The following RIMS2 variants were observed in gnomAD, a reference collection of about 807,000 sequenced individuals.
RIMS2 encodes regulating synaptic membrane exocytosis 2.
Under a neutral mutation model 174.4 loss-of-function variants are expected in RIMS2, and 59 were observed. The observed-to-expected ratio is 0.34, with a 90% CI of 0.27 to 0.42. The LOEUF (loss-of-function observed/expected upper bound fraction) is 0.42, where lower values mean the gene tolerates loss of function less well. Ranked by LOEUF, RIMS2 falls within the 10% of genes least tolerant of loss-of-function variation. The probability of loss-of-function intolerance (pLI) is 1.00; values close to 1 mark genes in which losing one functional copy is unlikely to be tolerated. For synonymous variants in RIMS2, 606 were observed against 572.5 expected (o/e 1.06, Z -0.84); for missense variants, 1,620 against 1,666.3 (o/e 0.97, Z 0.48).
intron 1 of RIMS2, among the ~76,000 whole-genome samples, chr8:103,502,050 A>T (rs1227190423): frequency 6.6e-6 from 1 of 152,244 alleles, no homozygotes; most frequent in Non-Finnish European, 1.5e-5. Flanking sequence ...GAAAGAGGTT[A>T]TTCAGAAGAT....
chr8:103,983,168 C>T (rs1250451938), intron 16 of RIMS2, among the ~76,000 whole-genome samples: 1 of 152,062 alleles, frequency 6.6e-6, no homozygotes, highest in Non-Finnish European at 1.5e-5. Flanking sequence ...AAATTAAATA[C>T]CTAGAAATTG....
chr8:104,095,841 CAG>C (rs1408172925), intron 19 of RIMS2, among the ~76,000 whole-genome samples: 3 of 152,040 alleles, frequency 2.0e-5, no homozygotes, highest in Non-Finnish European at 4.4e-5. Context: ...CACAGTGAGA[CAG>C]ATATTCGGGA....
chr8:104,106,364 G>A (rs933934972), intron 19 of RIMS2, among the ~76,000 whole-genome samples: 1 of 152,014 alleles, frequency 6.6e-6, no homozygotes, highest in Admixed American at 6.6e-5. Flanking sequence ...AGAGATGCCT[G>A]CACAGATTAA....
intron 2 of RIMS2, 39 bp from the exon 6 acceptor site, chr8:103,766,188 G>C: frequency 7.0e-7 from 1 of 1,420,180 alleles, no homozygotes; most frequent in Non-Finnish European, 9.6e-7. Context: ...TTTAACTTTT[G>C]GGAACACTAA....
chr8:103,809,703 G>A (rs1014877796), intron 3 of RIMS2, among the ~76,000 whole-genome samples: 3 of 152,120 alleles, frequency 2.0e-5, no homozygotes, highest in Non-Finnish European at 4.4e-5. Flanking sequence ...TTCAGACTGA[G>A]GGCACCAACA....
At chr8:104,066,621 A>G (rs2097109999) in intron 19 of RIMS2, among the ~76,000 whole-genome samples, 1 of 152,150 alleles carries the variant, frequency 6.6e-6, no homozygotes, top group African/African-American at 2.4e-5. Context: ...TTAATAGACT[A>G]ATAGGTATTT....
In RIMS2 at chr8:103,912,149, T is replaced by A. The variant is rs370262056; in HGVS notation, c.1789T>A (p.Ser597Thr). 24 of 1,607,520 alleles carry A rather than the reference T, an allele frequency of 1.5e-5. No homozygotes were observed. Among genetic ancestry groups the A allele is most frequent in the Non-Finnish European group, 2.0e-5 (24 of 1,175,766 alleles). The change falls in exon 6 of 24, where the codon TCA becomes ACA. Residue 597 changes from serine (S) to threonine (T), a missense_variant. Ser to Thr is a moderately conservative substitution (Grantham distance 58). Around this residue, in one of 2 missense-constraint regions of RIMS2, gnomAD observed 1,395 missense variants for 1,360.1 expected, o/e 1.03. Coordinates refer to ENST00000504942, the Ensembl canonical transcript of RIMS2. Reference sequence around the variant, plus strand: ...AAAAGATGGAAGTGTACCTCGAGATTCAGGAGCAATGCTTGGCTTGAAGGT... The same window carrying A: ...AAAAGATGGAAGTGTACCTCGAGATACAGGAGCAATGCTTGGCTTGAAGGT...
intron 19 of RIMS2, among the ~76,000 whole-genome samples, chr8:104,034,461 T>C (rs1459192211): frequency 7.3e-6 from 1 of 137,258 alleles, no homozygotes; most frequent in Non-Finnish European, 1.6e-5. Flanking sequence ...ACTTGCAGTA[T>C]CTTTTTTTTT....
chr8:103,985,473 CAAAAAAAA>C (rs58750334), intron 16 of RIMS2, among the ~76,000 whole-genome samples: 4 of 36,160 alleles, frequency 1.1e-4, no homozygotes, highest in African/African-American at 4.6e-4. Flanking sequence ...GACTCTGTCT[CAAAAAAAA>C]AAAAAAAAAA....
At chr8:104,244,888 G>T in intron 19 of RIMS2, 28 bp from the exon 26 acceptor site, 2 of 1,598,334 alleles carry the variant, frequency 1.3e-6, no homozygotes, top group South Asian at 1.1e-5. Context: ...TTACAAAGCT[G>T]TTACACTTTT....
intron 3 of RIMS2, among the ~76,000 whole-genome samples, chr8:103,796,542 T>C (rs2098551086): frequency 6.6e-6 from 1 of 152,176 alleles, no homozygotes; most frequent in Non-Finnish European, 1.5e-5. Flanking sequence ...ACCACTTTTT[T>C]TCCTTTCCCC....
intron 3 of RIMS2, among the ~76,000 whole-genome samples, chr8:103,864,364 G>T (rs2099074787): frequency 6.6e-6 from 1 of 151,914 alleles, no homozygotes; most frequent in African/African-American, 2.4e-5. Context: ...AGAGGTTTTG[G>T]CATGTTGTGT....
At chr8:103,545,350 A>C (rs896088823) in intron 1 of RIMS2, among the ~76,000 whole-genome samples, 1 of 152,244 alleles carries the variant, frequency 6.6e-6, no homozygotes, top group African/African-American at 2.4e-5. Context: ...CAGAGTGAAC[A>C]AAACCTCTGA....
At chr8:103,860,491 G>C (rs2099052589) in intron 3 of RIMS2, among the ~76,000 whole-genome samples, 1 of 152,010 alleles carries the variant, frequency 6.6e-6, no homozygotes, top group South Asian at 2.1e-4. Context: ...TTAGGCATTT[G>C]GGGGCTTAGG....
intron 1 of RIMS2, among the ~76,000 whole-genome samples, chr8:103,635,112 G>C (rs1313376624): frequency 6.6e-6 from 1 of 152,130 alleles, no homozygotes. Context: ...ATGTTGGCTT[G>C]TTTGTGTGTT....
At chr8:103,900,248 A>G (rs2099320793) in intron 4 of RIMS2, among the ~76,000 whole-genome samples, 1 of 151,654 alleles carries the variant, frequency 6.6e-6, no homozygotes, top group South Asian at 2.1e-4. Flanking sequence ...TTTGAGATAG[A>G]GTCTCACTCT....
chr8:103,906,506 T>C (rs2074433753), intron 4 of RIMS2, among the ~76,000 whole-genome samples: 1 of 152,138 alleles, frequency 6.6e-6, no homozygotes, highest in Admixed American at 6.5e-5. Flanking sequence ...TCAGCCTCAC[T>C]AAGTGCTGGG....
chr8:103,518,353 C>T (rs2469977), intron 1 of RIMS2, among the ~76,000 whole-genome samples: 78,231 of 151,638 alleles, frequency 0.52, 20,568 homozygotes, highest in East Asian at 0.83. Flanking sequence ...CTAACACTAA[C>T]GATAGCTGAT....
At chr8:104,238,106 A>C (rs762180425) in intron 19 of RIMS2, among the ~76,000 whole-genome samples, 3 of 152,214 alleles carry the variant, frequency 2.0e-5, no homozygotes, top group Admixed American at 6.5e-5. Context: ...ACACCATGGA[A>C]TACTATGCAG....
Sources: allele counts gnomAD v4.1 joint callset (sites outside exome capture counted in the v4.1 genomes callset), GRCh38; gene constraint gnomAD v4.1.1; regional missense constraint gnomAD v4.1.1; transcripts MANE v1.5; gene names NCBI Gene and HGNC (gene_info 2026-07-23, HGNC 2026-07-21).